Variants in HLCS observed in about 807,000 individuals in gnomAD.
The protein encoded by HLCS is biotin--protein ligase.
Under a neutral mutation model 75.0 loss-of-function variants are expected in HLCS, and 53 were observed. The ratio of observed to expected loss-of-function variants is 0.71; its 90% CI spans 0.57 to 0.89. The LOEUF is 0.89. HLCS is among the 40% of genes least tolerant of loss of function. The pLI, the probability that HLCS is intolerant of heterozygous loss-of-function variation, is 0.00. For missense variants in HLCS, 966 were observed against 1,074.0 expected, an observed-to-expected ratio of 0.90 and a Z score of 1.41; for synonymous variants, 431 against 428.6, an observed-to-expected ratio of 1.01 and a Z score of -0.07.
chr21:36,788,087 C>T (rs1450314641), intron 6 of HLCS, among the ~76,000 whole-genome samples: 2 of 152,236 alleles, frequency 1.3e-5, no homozygotes, highest in African/African-American at 4.8e-5. Flanking sequence ...GGCCACCACT[C>T]CCCACAAAAG....
In HLCS at chr21:36,966,633, G is replaced by A; in HGVS notation, c.6C>T (p.Leu2=). 1 of 980,696 alleles carries A rather than the reference G, an allele frequency of 1.0e-6. No homozygotes were observed. The highest frequency in any genetic ancestry group is 1.2e-6 in the Non-Finnish European group (1 of 827,596). 60.7% of individuals were successfully genotyped at this position (980,696 alleles called of 1,614,324 possible). The change falls in exon 1 of 11, where the codon CTC becomes CTT. Residue 2 remains leucine, a synonymous_variant. Transcript: ENST00000674895. M[L]ITLCYLYLWA... The stretch of plus-strand genomic sequence containing the variant: ...ACAGGTACAGGTAGCACAGCGTGAT[G>A]AGCATGGCCGCGCCGCCGGCAGGGC...
At chr21:36,973,002 G>C (rs1406014604) in intron 1 of HLCS, among the ~76,000 whole-genome samples, 2 of 151,962 alleles carry the variant, frequency 1.3e-5, no homozygotes, top group Non-Finnish European at 2.9e-5. Context: ...GATCATTTGA[G>C]TCCAGAAGTT....
intron 6 of HLCS, among the ~76,000 whole-genome samples, chr21:36,798,115 A>G (rs1297566212): frequency 2.0e-5 from 3 of 152,216 alleles, no homozygotes; most frequent in African/African-American, 7.2e-5. Context: ...CAGGGAGAAG[A>G]GTAAACACAA....
At chr21:36,761,323 T>C (rs75152498) in intron 8 of HLCS, among the ~76,000 whole-genome samples, 1 of 152,314 alleles carries the variant, frequency 6.6e-6, no homozygotes, top group East Asian at 1.9e-4. Context: ...CCTTCCTCCT[T>C]CCAACAGGCC....
chr21:36,885,435 G>A (rs540686445), intron 6 of HLCS, among the ~76,000 whole-genome samples: 1 of 151,404 alleles, frequency 6.6e-6, no homozygotes, highest in South Asian at 2.1e-4. Context: ...TTGGGCCCAG[G>A]AAGTTGAGAC....
chr21:36,868,676 T>G (rs2063659352), intron 6 of HLCS, among the ~76,000 whole-genome samples: 1 of 150,932 alleles, frequency 6.6e-6, no homozygotes, highest in Non-Finnish European at 1.5e-5. Flanking sequence ...AAAGGCGTCA[T>G]GAGAACATTG....
chr21:36,869,281 C>T (rs566175526), intron 6 of HLCS, among the ~76,000 whole-genome samples: 2 of 152,188 alleles, frequency 1.3e-5, no homozygotes, highest in African/African-American at 2.4e-5. Context: ...CCCGCCACCA[C>T]GCCCGGCTAA....
chr21:36,892,451 G>A (rs1181262586), intron 6 of HLCS, among the ~76,000 whole-genome samples: 3 of 152,208 alleles, frequency 2.0e-5, no homozygotes, highest in Non-Finnish European at 4.4e-5. Flanking sequence ...TGTGCTGGGG[G>A]CAGAGAGCTC....
At chr21:36,813,452 A>G (rs534996774) in intron 6 of HLCS, among the ~76,000 whole-genome samples, 1 of 152,294 alleles carries the variant, frequency 6.6e-6, no homozygotes, top group South Asian at 2.1e-4. Flanking sequence ...CACACTGCCT[A>G]TTTCCCAAGC....
intron 2 of HLCS, among the ~76,000 whole-genome samples, chr21:36,951,532 T>C (rs2067669655): frequency 6.6e-6 from 1 of 152,204 alleles, no homozygotes. Flanking sequence ...ATGGTGACCT[T>C]TAATTGTTCA....
rs370980356 is a variant in HLCS, at chr21:36,813,801, T to C, written c.1893-46516A>G. On this transcript the variant is annotated intron_variant, in intron 6 of 10. Coordinates refer to ENST00000674895, the MANE Select transcript of HLCS (RefSeq NM_001352514.2). ...ATAAGAAATATTAGGTCACAAGCTG[T>C]TTTAGAAACACCTGTAATACCTTCA... Among the ~76,000 whole-genome samples the C allele has an allele frequency of 3.5e-4, 53 of 152,316 alleles. No individual in the cohort carries two copies. The East Asian group carries it at 0.01, about 29-fold the overall frequency.
intron 5 of HLCS, among the ~76,000 whole-genome samples, chr21:36,911,953 C>T (rs138802510): frequency 6.6e-6 from 1 of 151,426 alleles, no homozygotes; most frequent in Non-Finnish European, 1.5e-5. Flanking sequence ...CACCTGTAAT[C>T]TCAGCTACTT....
intron 6 of HLCS, among the ~76,000 whole-genome samples, chr21:36,767,793 C>A (rs1266491933): frequency 2.0e-5 from 3 of 152,298 alleles, no homozygotes; most frequent in African/African-American, 7.2e-5. Flanking sequence ...GACACACTAT[C>A]CCCTGAGAAC....
chr21:36,826,372 T>C (rs1311114133), intron 6 of HLCS, among the ~76,000 whole-genome samples: 1 of 152,210 alleles, frequency 6.6e-6, no homozygotes, highest in Non-Finnish European at 1.5e-5. Context: ...CAGTACTCGC[T>C]ACACTGATGG....
At chr21:36,954,329 T>C (rs557553750) in intron 2 of HLCS, among the ~76,000 whole-genome samples, 1 of 145,934 alleles carries the variant, frequency 6.9e-6, no homozygotes, top group South Asian at 2.2e-4. Context: ...AAATAAAAAG[T>C]ATAGGCCAGG....
rs970358484 is a variant in HLCS at position 36,842,698 on chromosome 21, G to T, written c.1892+54162C>A. Reference sequence around the variant, plus strand: ...GTGGAGGTTGCAGTAAGCCAAGATTGTGCCACTGCACTCCACCCTGGGCAA... The same window carrying T: ...GTGGAGGTTGCAGTAAGCCAAGATTTTGCCACTGCACTCCACCCTGGGCAA... On this transcript the variant is annotated intron_variant, in intron 6 of 10. Transcript: ENST00000674895. This position sits in a 1 kb window ranked among gnomAD's most constrained non-coding sequence, Gnocchi z 4.2. Among the ~76,000 whole-genome samples, 3 of 152,084 alleles carry T rather than the reference G, an allele frequency of 2.0e-5. No homozygotes were observed. Among genetic ancestry groups the T allele is most frequent in the African/African-American group, 4.8e-5 (2 of 41,404 alleles).
At chr21:36,904,754 A>G (rs953963846) in intron 5 of HLCS, among the ~76,000 whole-genome samples, 1 of 152,218 alleles carries the variant, frequency 6.6e-6, no homozygotes, top group Non-Finnish European at 1.5e-5. Context: ...GTCTTCTCAA[A>G]TGCACTCAAA....
intron 9 of HLCS, 133 bp from the exon 10 acceptor site, chr21:36,756,888 C>T: frequency 6.5e-7 from 1 of 1,543,078 alleles, no homozygotes; most frequent in South Asian, 1.2e-5. Flanking sequence ...TTTCGTGTCT[C>T]TAACCACTTG....
chr21:36,973,043 C>T (rs1048192820), intron 1 of HLCS, among the ~76,000 whole-genome samples: 27 of 147,066 alleles, frequency 1.8e-4, no homozygotes, highest in Admixed American at 9.3e-4. Flanking sequence ...CAGGGAAACC[C>T]CATCTCTATG....
Sources: gnomAD v4.1 joint callset for allele counts (sites outside exome capture counted in the v4.1 genomes callset) on GRCh38, gnomAD v4.1.1 for gene constraint, Gnocchi (gnomAD v3.1) non-coding constraint, MANE v1.5 for transcripts, NCBI Gene and HGNC (gene_info 2026-07-23, HGNC 2026-07-21) for gene names.